The following TRAPPC9 variants were observed in gnomAD, a reference collection of about 807,000 sequenced individuals.
TRAPPC9 encodes the protein trafficking protein particle complex subunit 9, also known as IKK2 binding protein.
TRAPPC9 carries 83 observed loss-of-function variants against 124.0 expected under a neutral mutation model. The observed-to-expected ratio is 0.67, with a 90% CI of 0.56 to 0.80. The LOEUF is 0.80. TRAPPC9 is among the 30% of genes least tolerant of loss of function. The probability of loss-of-function intolerance (pLI) is 0.00; values close to 1 mark genes in which losing one functional copy is unlikely to be tolerated. For missense variants in TRAPPC9, 1,302 were observed against 1,508.3 expected (o/e 0.86, Z 2.27); for synonymous variants, 638 against 617.5 (o/e 1.03, Z -0.49).
chr8:139,859,547 TC>T (rs761132011), intron 21 of TRAPPC9, among the ~76,000 whole-genome samples: 8 of 151,798 alleles, frequency 5.3e-5, no homozygotes, highest in Non-Finnish European at 1.0e-4. Flanking sequence ...CTTTCTCCAT[TC>T]CAAAAAAGAG....
At chr8:140,429,326 G>A (rs574482417) in intron 4 of TRAPPC9, among the ~76,000 whole-genome samples, 4 of 151,976 alleles carry the variant, frequency 2.6e-5, no homozygotes, top group East Asian at 2.0e-4. Flanking sequence ...TCCTGACCTC[G>A]TGATCTGCCC....
intron 17 of TRAPPC9, among the ~76,000 whole-genome samples, chr8:140,113,953 T>C (rs1019976795): frequency 9.2e-5 from 14 of 152,224 alleles, no homozygotes; most frequent in Admixed American, 6.5e-5. Context: ...CCTGCTCATC[T>C]GCGGAACTTC....
intron 21 of TRAPPC9, among the ~76,000 whole-genome samples, chr8:139,735,057 C>T (rs1469386711): frequency 6.6e-6 from 1 of 152,208 alleles, no homozygotes; most frequent in Non-Finnish European, 1.5e-5. Context: ...CCCCTGAGTA[C>T]TTCCAGCAGT....
At chr8:139,979,994 C>T (rs1333863181) in intron 19 of TRAPPC9, among the ~76,000 whole-genome samples, 1 of 152,168 alleles carries the variant, frequency 6.6e-6, no homozygotes, top group Non-Finnish European at 1.5e-5. Context: ...GCGATCTGCT[C>T]TCCCTGGGCC....
chr8:139,922,251 A>G (rs1048057836), intron 19 of TRAPPC9, among the ~76,000 whole-genome samples: 12 of 150,552 alleles, frequency 8.0e-5, no homozygotes, highest in African/African-American at 2.9e-4. Flanking sequence ...CTCTCGGCTC[A>G]CTGAAACCCC....
intron 19 of TRAPPC9, among the ~76,000 whole-genome samples, chr8:139,930,364 A>G (rs904393160): frequency 4.6e-5 from 7 of 152,230 alleles, no homozygotes; most frequent in African/African-American, 1.7e-4. Context: ...GCGCGCTCAC[A>G]CAACACGGTT....
chr8:140,457,495 G>A (rs1345611656), intron 1 of TRAPPC9, 144 bp downstream of exon 1: 7 of 661,066 alleles, frequency 1.1e-5, no homozygotes, highest in African/African-American at 9.8e-5. Flanking sequence ...CAGCGGACCC[G>A]GACAGGTGTG....
intron 17 of TRAPPC9, among the ~76,000 whole-genome samples, chr8:140,195,815 A>C (rs551462993): frequency 4.0e-5 from 6 of 151,462 alleles, no homozygotes; most frequent in African/African-American, 1.5e-4. Context: ...CACACCTGTG[A>C]TACTAAAACA....
intron 21 of TRAPPC9, among the ~76,000 whole-genome samples, chr8:139,805,065 T>C (rs964693231): frequency 1.3e-5 from 2 of 152,156 alleles, no homozygotes; most frequent in Admixed American, 6.5e-5. Context: ...AGGGGCATGA[T>C]AGAATCCGAG....
intron 21 of TRAPPC9, among the ~76,000 whole-genome samples, chr8:139,762,758 G>A (rs919268451): frequency 1.2e-4 from 19 of 152,152 alleles, no homozygotes; most frequent in Non-Finnish European, 1.9e-4. Flanking sequence ...GCCAAGGTGC[G>A]GAGGGCACCT....
chr8:139,809,772 A>G (rs1309398249), intron 21 of TRAPPC9, among the ~76,000 whole-genome samples: 3 of 152,244 alleles, frequency 2.0e-5, no homozygotes, highest in Admixed American at 1.3e-4. Flanking sequence ...CAACCCCAGT[A>G]GCTGTGACTG....
chr8:140,230,991 C>T lies in TRAPPC9; in HGVS notation c.2432-9408G>A, dbSNP rs139250406. On this transcript the variant is annotated intron_variant, in intron 16 of 22. Coordinates refer to ENST00000438773, the MANE Select transcript of TRAPPC9 (RefSeq NM_001160372.4). ...AGGAAGTCAGACTTGGATCTGGGCG[C>T]TTACAACAGTGACCTGCACTGACAT... is the stretch of plus-strand genomic sequence containing the variant. Among the ~76,000 whole-genome samples the T allele has an allele frequency of 6.3e-3, 955 of 152,236 alleles. 2 individuals carry two copies. Among genetic ancestry groups the T allele is most frequent in the Non-Finnish European group, 0.011 (746 of 68,004 alleles).
At chr8:139,909,629 G>T (rs1014239334) in intron 20 of TRAPPC9, among the ~76,000 whole-genome samples, 1 of 152,242 alleles carries the variant, frequency 6.6e-6, no homozygotes, top group Non-Finnish European at 1.5e-5. Context: ...TGTCTGCAAG[G>T]AGTCAGCCAT....
chr8:139,980,477 C>T (rs1341935101), intron 19 of TRAPPC9, among the ~76,000 whole-genome samples: 1 of 152,220 alleles, frequency 6.6e-6, no homozygotes, highest in East Asian at 1.9e-4. Context: ...CGAGCCATGA[C>T]GTGCTCCAGC....
At chr8:139,992,644 C>G (rs1475136061) in intron 18 of TRAPPC9, among the ~76,000 whole-genome samples, 1 of 148,786 alleles carries the variant, frequency 6.7e-6, no homozygotes, top group Non-Finnish European at 1.5e-5. Flanking sequence ...TGGAAGGAAT[C>G]TGGCCTACTA....
At chr8:140,374,940 G>T (rs1433139074) in intron 7 of TRAPPC9, among the ~76,000 whole-genome samples, 1 of 152,102 alleles carries the variant, frequency 6.6e-6, no homozygotes, top group Non-Finnish European at 1.5e-5. Context: ...GAAGTCAAAT[G>T]ATAAATACTA....
intron 17 of TRAPPC9, among the ~76,000 whole-genome samples, chr8:140,185,704 T>TGTGGTGCAGTGCCAC (rs1342513610): frequency 1.3e-5 from 2 of 152,218 alleles, no homozygotes; most frequent in Non-Finnish European, 2.9e-5. Flanking sequence ...GCGGGGACTG[T>TGTGGTGCAGTGCCAC]GTGGTGCAGT....
At chr8:140,234,228 G>A (rs2063677700) in intron 16 of TRAPPC9, among the ~76,000 whole-genome samples, 1 of 152,196 alleles carries the variant, frequency 6.6e-6, no homozygotes, top group African/African-American at 2.4e-5. Context: ...CTCTTCATGA[G>A]AATCTAACGC....
At chr8:139,768,686 A>G (rs1449851703) in intron 21 of TRAPPC9, among the ~76,000 whole-genome samples, 1 of 152,262 alleles carries the variant, frequency 6.6e-6, no homozygotes, top group Non-Finnish European at 1.5e-5. Context: ...ATCTAAACAC[A>G]GAGCTCATAG....
Sources: allele counts gnomAD v4.1 joint callset (sites outside exome capture counted in the v4.1 genomes callset), GRCh38; gene constraint gnomAD v4.1.1; transcripts MANE v1.5; gene names NCBI Gene and HGNC (gene_info 2026-07-23, HGNC 2026-07-21).